The following MAST4 variants were observed in gnomAD, a reference collection of about 807,000 sequenced individuals.
MAST4 encodes microtubule-associated serine/threonine-protein kinase 4.
Under a neutral mutation model 162.7 loss-of-function variants are expected in MAST4, and 89 were observed. The ratio of observed to expected loss-of-function variants is 0.55; its 90% CI spans 0.46 to 0.65. The LOEUF (loss-of-function observed/expected upper bound fraction) is 0.65. Ranked by LOEUF, MAST4 falls within the 30% of genes least tolerant of loss-of-function variation. The probability of loss-of-function intolerance (pLI) is 0.00; values close to 1 mark genes in which losing one functional copy is unlikely to be tolerated. For synonymous variants in MAST4, 1,479 were observed against 1,361.1 expected (o/e 1.09, Z -1.91); for missense variants, 3,153 against 3,374.0 (o/e 0.93, Z 1.62).
intron 5 of MAST4, among the ~76,000 whole-genome samples, chr5:67,060,242 C>T (rs1404270680): frequency 1.3e-5 from 2 of 152,140 alleles, no homozygotes; most frequent in Non-Finnish European, 2.9e-5. Context: ...GTTCCACTCC[C>T]CTCAATCTTG....
intron 4 of MAST4, among the ~76,000 whole-genome samples, chr5:67,012,067 T>C (rs1008965753): frequency 7.2e-5 from 11 of 152,200 alleles, no homozygotes; most frequent in African/African-American, 2.4e-4. Flanking sequence ...GAGTAGTATA[T>C]TGATAAGTGC....
intron 4 of MAST4, among the ~76,000 whole-genome samples, chr5:66,995,153 A>G (rs528228605): frequency 9.0e-6 from 1 of 110,982 alleles, no homozygotes; most frequent in Non-Finnish European, 2.2e-5. Flanking sequence ...TCCTGAGAGT[A>G]GGAAAGACTT....
intron 1 of MAST4, among the ~76,000 whole-genome samples, chr5:66,666,516 A>G (rs924376598): frequency 1.3e-5 from 2 of 152,176 alleles, no homozygotes; most frequent in African/African-American, 2.4e-5. Flanking sequence ...TTTTCATTTG[A>G]CTTAAAATAT....
intron 3 of MAST4, among the ~76,000 whole-genome samples, chr5:66,868,109 G>T (rs1760660768): frequency 6.6e-6 from 1 of 152,126 alleles, no homozygotes; most frequent in Admixed American, 6.5e-5. Context: ...GAGAGCCCTG[G>T]TTGCTTTTTC....
chr5:67,121,785 G>T (rs955041589), intron 14 of MAST4, among the ~76,000 whole-genome samples: 3 of 152,056 alleles, frequency 2.0e-5, no homozygotes, highest in Non-Finnish European at 2.9e-5. Context: ...ACAGGCTGCG[G>T]GTTGGATAAG....
In MAST4 at chr5:66,673,523, G is replaced by GTTTTTTTTTT. The variant is rs1208217801; in HGVS notation, c.363+76511_363+76512insTTTTTTTTTT. On this transcript the variant is annotated intron_variant, in intron 1 of 28. Transcript: ENST00000403625. ...AATACGCTAGTTTTTTTTGTTTTTT[G>GTTTTTTTTTT]TTTTTTGTTTTTTTTTTTTTTGAGA... Among the ~76,000 whole-genome samples, 194 of 131,254 alleles carry GTTTTTTTTTT rather than the reference G, an allele frequency of 1.5e-3. 5 individuals are homozygous for GTTTTTTTTTT. Among genetic ancestry groups the GTTTTTTTTTT allele is most frequent in the East Asian group, 6.4e-3 (28 of 4,342 alleles). 86.1% of individuals were successfully genotyped at this position (131,254 alleles called of 152,430 possible).
At chr5:66,915,362 G>A (rs1291019819) in intron 4 of MAST4, among the ~76,000 whole-genome samples, 2 of 151,284 alleles carry the variant, frequency 1.3e-5, no homozygotes, top group Non-Finnish European at 2.9e-5. Flanking sequence ...TTGTTCTCTT[G>A]TATAGTGACT....
At chr5:66,613,674 C>T (rs1743447611) in intron 1 of MAST4, among the ~76,000 whole-genome samples, 2 of 152,148 alleles carry the variant, frequency 1.3e-5, no homozygotes, top group South Asian at 4.1e-4. Flanking sequence ...TCAGCAGCCA[C>T]AGACTAACTG....
chr5:66,706,724 G>T (rs1750154757), intron 1 of MAST4, among the ~76,000 whole-genome samples: 1 of 151,874 alleles, frequency 6.6e-6, no homozygotes, highest in South Asian at 2.1e-4. Flanking sequence ...TTGAGTAGCT[G>T]CCATTATATG....
At chr5:66,753,564 A>G (rs982542903) in intron 1 of MAST4, among the ~76,000 whole-genome samples, 1 of 151,792 alleles carries the variant, frequency 6.6e-6, no homozygotes, top group Non-Finnish European at 1.5e-5. Context: ...AAATGGATAA[A>G]TTCCTCAATG....
At chr5:66,910,367 A>T (rs1448753336) in intron 4 of MAST4, among the ~76,000 whole-genome samples, 1 of 152,118 alleles carries the variant, frequency 6.6e-6, no homozygotes, top group Non-Finnish European at 1.5e-5. Context: ...GTCCCCAAAT[A>T]TATTCATTAT....
chr5:67,073,193 T>C (rs1429734593), intron 5 of MAST4, among the ~76,000 whole-genome samples: 3 of 151,764 alleles, frequency 2.0e-5, no homozygotes, highest in East Asian at 1.9e-4. Context: ...ACCATGGCAC[T>C]GTGCCAGAGC....
Position 67,051,017 on chromosome 5 carries a change from C to T in MAST4, c.675-3387C>T, listed in dbSNP as rs116345804. Among the ~76,000 whole-genome samples, 547 of 152,124 alleles carry T rather than the reference C, an allele frequency of 3.6e-3. 5 individuals are homozygous for T. The highest frequency in any genetic ancestry group is 0.012 in the African/African-American group (517 of 41,492). On this transcript the variant is annotated intron_variant, in intron 4 of 28. Coordinates refer to ENST00000403625, the MANE Select transcript of MAST4 (RefSeq NM_001164664.2). ...TAACTTTTCTTTAGTTTCATTTTTG[C>T]GGTCATGTCCCTGTATCCCTGAGGA...
chr5:67,022,123 A>G (rs910996587), intron 4 of MAST4, among the ~76,000 whole-genome samples: 1 of 152,234 alleles, frequency 6.6e-6, no homozygotes, highest in Non-Finnish European at 1.5e-5. Flanking sequence ...TTATGCCAGC[A>G]TAGTGCCTGG....
chr5:66,979,791 T>C (rs1005396415), intron 4 of MAST4, among the ~76,000 whole-genome samples: 1 of 152,224 alleles, frequency 6.6e-6, no homozygotes, highest in African/African-American at 2.4e-5. Context: ...TTGAACTTTG[T>C]GAGAAACAAT....
intron 1 of MAST4, among the ~76,000 whole-genome samples, chr5:66,641,331 T>C (rs1451330824): frequency 6.6e-6 from 1 of 152,156 alleles, no homozygotes; most frequent in Non-Finnish European, 1.5e-5. Context: ...TTTTGTATTT[T>C]ATTTTTAGTA....
intron 5 of MAST4, among the ~76,000 whole-genome samples, chr5:67,068,854 A>G (rs942272277): frequency 6.6e-6 from 1 of 152,164 alleles, no homozygotes; most frequent in East Asian, 1.9e-4. Flanking sequence ...GTAAGCTAAC[A>G]GGTCTCATGC....
At chr5:66,658,977 G>A (rs1447514883) in intron 1 of MAST4, among the ~76,000 whole-genome samples, 1 of 152,122 alleles carries the variant, frequency 6.6e-6, no homozygotes, top group African/African-American at 2.4e-5. Flanking sequence ...AGCTATGATT[G>A]TACCACTGCA....
intron 4 of MAST4, among the ~76,000 whole-genome samples, chr5:67,025,554 A>C (rs2150406957): frequency 6.6e-6 from 1 of 152,264 alleles, no homozygotes; most frequent in East Asian, 1.9e-4. Flanking sequence ...CCAGTGGGTT[A>C]AACACTAGTA....
Sources: gnomAD v4.1 joint callset for allele counts (sites outside exome capture counted in the v4.1 genomes callset) on GRCh38, gnomAD v4.1.1 for gene constraint, MANE v1.5 for transcripts, NCBI Gene and HGNC (gene_info 2026-07-23, HGNC 2026-07-21) for gene names.